LRRN2: variants seen among roughly 807,000 people sequenced by gnomAD.
The protein encoded by LRRN2 is leucine-rich repeat neuronal protein 2.
In LRRN2, 10 loss-of-function variants were observed where a neutral mutation model predicts 35.7. The ratio of observed to expected loss-of-function variants is 0.28; its 90% CI spans 0.17 to 0.47. The LOEUF (loss-of-function observed/expected upper bound fraction) is 0.47, where lower values mean the gene tolerates loss of function less well. LRRN2 is among the 20% of genes least tolerant of loss of function. LRRN2 has a pLI of 0.99. For missense variants in LRRN2, 731 were observed against 940.3 expected (o/e 0.78, Z 2.91); for synonymous variants, 391 against 409.6 (o/e 0.95, Z 0.55).
intron 1 of LRRN2, among the ~76,000 whole-genome samples, chr1:204,656,841 C>T (rs1013395161): frequency 6.6e-6 from 1 of 152,152 alleles, no homozygotes; most frequent in Non-Finnish European, 1.5e-5. Context: ...TTGTGAGGGT[C>T]TCTTCTTCAT....
intron 1 of LRRN2, among the ~76,000 whole-genome samples, chr1:204,658,995 C>A (rs907397240): frequency 6.6e-6 from 1 of 152,198 alleles, no homozygotes. Flanking sequence ...GTGGCTTCTG[C>A]CATTATGACC....
chr1:204,634,966 G>A (rs1667797268), intron 1 of LRRN2, among the ~76,000 whole-genome samples: 1 of 152,192 alleles, frequency 6.6e-6, no homozygotes, highest in Admixed American at 6.5e-5. Flanking sequence ...ATATGAGTGT[G>A]AAATATGCAT....
chr1:204,649,497 GC>G (rs1668178239), intron 1 of LRRN2, among the ~76,000 whole-genome samples: 1 of 152,184 alleles, frequency 6.6e-6, no homozygotes, highest in Admixed American at 6.5e-5. Context: ...GGACAGGGTT[GC>G]CCGGGATGCT....
chr1:204,683,003 A>G (rs971229043), intron 1 of LRRN2: 3 of 152,258 alleles, frequency 2.0e-5, no homozygotes, highest in African/African-American at 7.2e-5. Flanking sequence ...AGCTTCTAAA[A>G]TCATGAGAGG....
rs541673763 is a variant in LRRN2 at position 204,645,927 on chromosome 1, GA to G, written c.-226-25710del. ...ACCCTTGACATGTGGGGATTATAGGGATTACAATTCAAGGTGATATTTGGGT... is the reference window on the plus strand; with the variant it reads ...ACCCTTGACATGTGGGGATTATAGGGTTACAATTCAAGGTGATATTTGGGT... On this transcript the variant is annotated intron_variant, in intron 1 of 1. Transcript: ENST00000367177. 3.0e-3 allele frequency among the ~76,000 whole-genome samples: 462 copies of G among 152,264 alleles called. 5 individuals are homozygous for G. The highest frequency in any genetic ancestry group is 0.011 in the African/African-American group (442 of 41,536).
At position 204,618,830 on chromosome 1, in the gene LRRN2, C is replaced by T. The variant is rs780596146; in HGVS notation, c.1163G>A (p.Arg388His). 8 of 1,614,064 alleles carry T rather than the reference C, an allele frequency of 5.0e-6. No homozygotes were observed. The highest frequency in any genetic ancestry group is 2.2e-5 in the East Asian group (1 of 44,872). The change falls in exon 2 of 2, where the codon CGC (arginine) becomes CAC (histidine). Residue 388 changes from arginine to histidine, a missense_variant. By Grantham distance (29) the Arg-to-His change is conservative. Around this residue, in one of 3 missense-constraint regions of LRRN2, gnomAD observed 256 missense variants for 392.4 expected, o/e 0.65. Coordinates refer to ENST00000367177, the MANE Select transcript of LRRN2 (RefSeq NM_201630.2). ...RWANATGTRV[R>H]FIEPQSTLCA... The stretch of plus-strand genomic sequence containing the variant: ...CAGGGTGGATTGCGGCTCGATGAAG[C>T]GGACACGGGTGCCCGTGGCATTGGC...
intron 1 of LRRN2, among the ~76,000 whole-genome samples, chr1:204,636,418 G>A (rs1233725658): frequency 6.6e-6 from 1 of 152,238 alleles, no homozygotes; most frequent in Non-Finnish European, 1.5e-5. Context: ...CTGCACCATA[G>A]AATTACATGG....
At chr1:204,672,022 T>C (rs138455225) in intron 1 of LRRN2, among the ~76,000 whole-genome samples, 11 of 152,340 alleles carry the variant, frequency 7.2e-5, no homozygotes, top group Admixed American at 2.0e-4. Flanking sequence ...AGAAGGTCTA[T>C]GGGCACACGC....
intron 1 of LRRN2, among the ~76,000 whole-genome samples, chr1:204,638,307 C>A (rs1667888057): frequency 6.6e-6 from 1 of 152,020 alleles, no homozygotes; most frequent in Non-Finnish European, 1.5e-5. Flanking sequence ...TCATTGAATC[C>A]CCCCGCACCG....
chr1:204,683,367 G>C (rs1558426384), intron 1 of LRRN2, among the ~76,000 whole-genome samples: 1 of 152,100 alleles, frequency 6.6e-6, no homozygotes, highest in Non-Finnish European at 1.5e-5. Flanking sequence ...GGGGAAGAAT[G>C]AGGAGGGTGA....
chr1:204,646,866 T>A (rs1271735614), intron 1 of LRRN2, among the ~76,000 whole-genome samples: 3 of 152,176 alleles, frequency 2.0e-5, no homozygotes, highest in Admixed American at 2.0e-4. Context: ...TTAGAAAGAC[T>A]TAGGTTCAAA....
intron 1 of LRRN2, among the ~76,000 whole-genome samples, chr1:204,681,016 G>A (rs1668936450): frequency 6.6e-6 from 1 of 151,688 alleles, no homozygotes; most frequent in Non-Finnish European, 1.5e-5. Context: ...GAGTGCAGTG[G>A]TGTAATCTCA....
chr1:204,632,149 G>T (rs954370767), intron 1 of LRRN2, among the ~76,000 whole-genome samples: 1 of 151,910 alleles, frequency 6.6e-6, no homozygotes, highest in African/African-American at 2.4e-5. Context: ...TGAGAGAATC[G>T]CTTGAGCCCA....
chr1:204,619,672 A>G lies in LRRN2; in HGVS notation c.321T>C (p.Asp107=), dbSNP rs139853880. Residue 107 remains aspartate, a synonymous_variant, in exon 2 of 2, where the codon GAT becomes GAC. Transcript: ENST00000367177. ...GGGCATGGAAATCACAGTCTCGGGC[A>G]TCCGAAAAGCTGTTCTGGGACAGGT... is the stretch of plus-strand genomic sequence containing the variant. ...ELDLSQNSFS[D]ARDCDFHALP... The G allele has an allele frequency of 1.2e-6, 2 of 1,614,092 alleles. No individual in the cohort carries two copies. The highest frequency in any genetic ancestry group is 1.3e-5 in the African/African-American group (1 of 74,944).
At chr1:204,671,395 TTGTGTGTTTGTG>T (rs58504812) in intron 1 of LRRN2, among the ~76,000 whole-genome samples, 23,423 of 141,220 alleles carry the variant, frequency 0.17, 2,183 homozygotes, top group East Asian at 0.38. Context: ...AGCAATCTGT[TTGTGTGTTTGTG>T]TGTGTGTGTG....
intron 1 of LRRN2, among the ~76,000 whole-genome samples, chr1:204,646,476 T>C (rs1668110117): frequency 6.6e-6 from 1 of 152,086 alleles, no homozygotes; most frequent in Non-Finnish European, 1.5e-5. Flanking sequence ...GGATGGCAGC[T>C]ACAGTGGCAG....
At chr1:204,675,829 C>T (rs1668813585) in intron 1 of LRRN2, among the ~76,000 whole-genome samples, 1 of 152,242 alleles carries the variant, frequency 6.6e-6, no homozygotes, top group Admixed American at 6.5e-5. Context: ...AGAGCGCTTC[C>T]TGTTGCCATC....
rs35322898 is a variant in LRRN2, at chr1:204,618,790, C to T, written c.1203G>A (p.Pro401=). ...EPQSTLCAEP[P]DLQRLPVREV... is the part of the protein sequence containing the mutation. ...CACGGACCGGGAGGCGCTGGAGGTC[C>T]GGAGGCTCCGCACACAGGGTGGATT... The change falls in exon 2 of 2, where the codon CCG becomes CCA. Residue 401 remains proline, a synonymous_variant. Coordinates refer to ENST00000367177, the MANE Select transcript of LRRN2 (RefSeq NM_201630.2). 9.6e-3 allele frequency: 15,534 copies of T among 1,613,942 alleles called. 94 individuals are homozygous for T. The highest frequency in any genetic ancestry group is 0.012 in the Non-Finnish European group (14,037 of 1,179,984).
In LRRN2 at chr1:204,619,231, C is replaced by T; in HGVS notation, c.762G>A (p.Arg254=). ...FYDNQLARVP[R]RALEQVPGLK... ...GCCCGGGCACCTGTTCCAGTGCCCGCCTGGGCACCCGGGCCAGCTGGTTGT... is the reference window on the plus strand; with the variant it reads ...GCCCGGGCACCTGTTCCAGTGCCCGTCTGGGCACCCGGGCCAGCTGGTTGT... Residue 254 remains arginine (R), a synonymous_variant, in exon 2 of 2, where the codon AGG becomes AGA. Transcript: ENST00000367177. The T allele has an allele frequency of 6.2e-7, 1 of 1,614,084 alleles. No individual in the cohort carries two copies. Among genetic ancestry groups the T allele is most frequent in the South Asian group, 1.1e-5 (1 of 91,086 alleles).
Sources: gnomAD v4.1 joint callset for allele counts (sites outside exome capture counted in the v4.1 genomes callset) on GRCh38, gnomAD v4.1.1 for gene constraint, gnomAD v4.1.1 regional missense constraint, MANE v1.5 for transcripts, NCBI Gene and HGNC (gene_info 2026-07-23, HGNC 2026-07-21) for gene names.